The following COL4A6 variants were observed in gnomAD, a reference collection of about 807,000 sequenced individuals.
The protein encoded by COL4A6 is collagen type IV alpha 6 chain, also known as collagen alpha-6(IV) chain.
In COL4A6, 59 loss-of-function variants were observed where a neutral mutation model predicts 126.7. The observed-to-expected ratio is 0.47, with a 90% confidence interval of 0.38 to 0.58. COL4A6 has a LOEUF of 0.58. COL4A6 is among the 20% of genes least tolerant of loss of function. COL4A6 has a pLI of 0.00. For synonymous variants in COL4A6, 547 were observed against 496.6 expected, an observed-to-expected ratio of 1.10 and a Z score of -1.35; for missense variants, 1,285 against 1,337.3, an observed-to-expected ratio of 0.96 and a Z score of 0.61.
chrX:108,161,594 G>GC (rs2033939217), intron 42 of COL4A6, 25 bp downstream of exon 42: 1 of 215,872 alleles, frequency 4.6e-6, no homozygotes, highest in African/African-American at 5.1e-5. Flanking sequence ...CGCCCCGCCC[G>GC]CCTCCTAATG....
At chrX:108,292,418 T>C (rs949374617) in intron 3 of COL4A6, among the ~76,000 whole-genome samples, 2 of 112,220 alleles carry the variant, frequency 1.8e-5, no homozygotes, top group Non-Finnish European at 3.8e-5. Context: ...GACTTCATCA[T>C]TGCAAAATGG....
chrX:108,415,253 C>T (rs934170561), intron 2 of COL4A6, among the ~76,000 whole-genome samples: 1 of 111,596 alleles, frequency 9.0e-6, no homozygotes, highest in Non-Finnish European at 1.9e-5. Flanking sequence ...TCACTTCCTC[C>T]GAAAAAACTT....
At chrX:108,434,167 C>T (rs1490767493) in intron 2 of COL4A6, among the ~76,000 whole-genome samples, 1 of 112,101 alleles carries the variant, frequency 8.9e-6, no homozygotes, top group Non-Finnish European at 1.9e-5. Context: ...CACAATTCCC[C>T]TCATGCCTGA....
chrX:108,180,950 A>C lies in COL4A6; in HGVS notation c.1970T>G (p.Ile657Ser). ...PGSKGITLPC[I>S]IPGSYGPSGF... ...TGATGGACCGTATGACCCAGGAATA[A>C]TACAGGGCAGGGTGATTCCTGTAAA... Residue 657 changes from isoleucine (I) to serine (S), a missense_variant, in exon 24 of 45, where the codon ATT (isoleucine) becomes AGT (serine). Physicochemically the swap from Ile to Ser is moderately radical, Grantham distance 142. Transcript: ENST00000334504. 8.3e-7 allele frequency: 1 copy of C among 1,210,326 alleles called. No homozygotes were observed. Among genetic ancestry groups the C allele is most frequent in the African/African-American group, 1.7e-5 (1 of 57,846 alleles).
chrX:108,190,301 T>G, intron 20 of COL4A6, 91 bp downstream of exon 20: 1 of 581,586 alleles, frequency 1.7e-6, no homozygotes, highest in Non-Finnish European at 2.8e-6. Flanking sequence ...TTGCTTCTGT[T>G]TAGGTTCCCG....
chrX:108,214,019 C>A, intron 6 of COL4A6, 93 bp downstream of exon 6: 1 of 746,579 alleles, frequency 1.3e-6, no homozygotes, highest in South Asian at 2.2e-5. Flanking sequence ...GGCTGCCCCA[C>A]AAAATCTTGA....
At chrX:108,304,913 C>T (rs1258837253) in intron 3 of COL4A6, among the ~76,000 whole-genome samples, 1 of 112,357 alleles carries the variant, frequency 8.9e-6, no homozygotes, top group Non-Finnish European at 1.9e-5. Flanking sequence ...AGCATCCTAA[C>T]AGCTAATCCT....
At chrX:108,224,278 C>T (rs1226408674) in intron 3 of COL4A6, among the ~76,000 whole-genome samples, 1 of 112,184 alleles carries the variant, frequency 8.9e-6, no homozygotes, top group Non-Finnish European at 1.9e-5. Flanking sequence ...TTCTTGACCC[C>T]TGTGTTCCAA....
chrX:108,197,109 A>C (rs1461596301), intron 13 of COL4A6, among the ~76,000 whole-genome samples: 1 of 111,570 alleles, frequency 9.0e-6, no homozygotes, highest in East Asian at 2.8e-4. Flanking sequence ...CATCCTTTTC[A>C]GTGGTAAGAA....
At chrX:108,390,570 T>A (rs2040813473) in intron 2 of COL4A6, among the ~76,000 whole-genome samples, 1 of 109,461 alleles carries the variant, frequency 9.1e-6, no homozygotes, top group African/African-American at 3.3e-5. Flanking sequence ...GTTGTGTTTT[T>A]CAGCTCCATT....
chrX:108,295,740 T>C (rs6524006), intron 3 of COL4A6, among the ~76,000 whole-genome samples: 34,238 of 110,332 alleles, frequency 0.31, 4,635 homozygotes, highest in East Asian at 0.76. Flanking sequence ...GGTCAGGGAT[T>C]GGAAACATAT....
At chrX:108,286,467 C>G (rs1265362536) in intron 3 of COL4A6, among the ~76,000 whole-genome samples, 1 of 112,281 alleles carries the variant, frequency 8.9e-6, no homozygotes, top group East Asian at 2.8e-4. Flanking sequence ...TAGCTAGGCA[C>G]ATAGCCACCC....
At chrX:108,314,954 T>C (rs1012446549) in intron 2 of COL4A6, among the ~76,000 whole-genome samples, 2 of 112,042 alleles carry the variant, frequency 1.8e-5, no homozygotes, top group African/African-American at 3.2e-5. Context: ...TGCAACATTC[T>C]GGTCTCTCTC....
intron 2 of COL4A6, among the ~76,000 whole-genome samples, chrX:108,319,718 G>C (rs1191239393): frequency 2.7e-5 from 3 of 112,406 alleles, no homozygotes; most frequent in Non-Finnish European, 5.6e-5. Context: ...AGAGTGGGAA[G>C]TGAGGAACTG....
intron 3 of COL4A6, among the ~76,000 whole-genome samples, chrX:108,240,392 A>G (rs1288291121): frequency 8.9e-6 from 1 of 112,625 alleles, no homozygotes; most frequent in East Asian, 2.8e-4. Flanking sequence ...ATCTGTTTGT[A>G]GAATTTAAAA....
intron 2 of COL4A6, among the ~76,000 whole-genome samples, chrX:108,330,708 C>T (rs900378545): frequency 1.8e-5 from 2 of 110,809 alleles, no homozygotes; most frequent in Non-Finnish European, 3.8e-5. Context: ...TCTGTGTGCC[C>T]GTTTTCACTC....
At chrX:108,325,974 T>C (rs1200430835) in intron 2 of COL4A6, among the ~76,000 whole-genome samples, 1 of 112,006 alleles carries the variant, frequency 8.9e-6, no homozygotes, top group East Asian at 2.8e-4. Flanking sequence ...TCGTGTCTGT[T>C]GGTGGAAGCC....
chrX:108,227,123 G>T (rs980217632), intron 3 of COL4A6, among the ~76,000 whole-genome samples: 14 of 111,725 alleles, frequency 1.3e-4, no homozygotes, highest in African/African-American at 4.6e-4. Flanking sequence ...CTGTTTATGT[G>T]TCTATACCTC....
At chrX:108,340,541 G>C (rs1396364707) in intron 2 of COL4A6, among the ~76,000 whole-genome samples, 3 of 110,263 alleles carry the variant, frequency 2.7e-5, no homozygotes, top group African/African-American at 6.6e-5. Flanking sequence ...GAAATGAAAA[G>C]ATCACCAAAT....
Sources: allele counts gnomAD v4.1 joint callset (sites outside exome capture counted in the v4.1 genomes callset), GRCh38; gene constraint gnomAD v4.1.1; transcripts MANE v1.5; gene names NCBI Gene and HGNC (gene_info 2026-07-23, HGNC 2026-07-21).